Variants in NAALADL2 observed in about 807,000 individuals in gnomAD.
NAALADL2 encodes N-acetylated alpha-linked acidic dipeptidase like 2, also known as inactive N-acetylated-alpha-linked acidic dipeptidase-like protein 2.
A neutral mutation model predicts 87.2 loss-of-function variants in NAALADL2; 76 were observed. That is an observed-to-expected ratio of 0.87 (90% CI 0.72 to 1.05). The LOEUF is 1.05. Among genes scored for constraint, NAALADL2 ranks in the 50% least tolerant of loss-of-function variants. The probability of loss-of-function intolerance (pLI) is 0.00; values close to 1 mark genes in which losing one functional copy is unlikely to be tolerated. For missense variants in NAALADL2, 1,089 were observed against 945.8 expected, an observed-to-expected ratio of 1.15 and a Z score of -1.99; for synonymous variants, 354 against 331.0, an observed-to-expected ratio of 1.07 and a Z score of -0.75.
At position 175,085,476 on chromosome 3, in the gene NAALADL2, T is replaced by G. The variant is rs117870558; in HGVS notation, c.44-11314T>G. ...CTCCTTTTTTCTGCAGAAACCAAGTTATTTCCATTATGGGGGCTCTCAAGT... is the reference window on the plus strand; with the variant it reads ...CTCCTTTTTTCTGCAGAAACCAAGTGATTTCCATTATGGGGGCTCTCAAGT... On this transcript the variant is annotated intron_variant, in intron 1 of 13. Transcript: ENST00000454872. Among the ~76,000 whole-genome samples, 48 of 152,268 alleles carry G rather than the reference T, an allele frequency of 3.2e-4. No homozygotes were observed. The East Asian group carries it at 8.9e-3, about 28-fold the overall frequency.
intron 1 of NAALADL2, among the ~76,000 whole-genome samples, chr3:175,088,387 C>T (rs762161525): frequency 6.6e-5 from 10 of 152,244 alleles, no homozygotes; most frequent in South Asian, 2.1e-4. Flanking sequence ...TTCTTTCCCA[C>T]GACTTAACCA....
At chr3:175,564,625 G>T (rs971422170) in intron 9 of NAALADL2, among the ~76,000 whole-genome samples, 1 of 152,168 alleles carries the variant, frequency 6.6e-6, no homozygotes, top group Admixed American at 6.5e-5. Context: ...CAGTTCCTCA[G>T]CATGGAACAG....
chr3:175,488,776 C>T (rs957309737), intron 9 of NAALADL2, among the ~76,000 whole-genome samples: 4 of 152,160 alleles, frequency 2.6e-5, no homozygotes, highest in African/African-American at 7.2e-5. Flanking sequence ...TTTATGAAAA[C>T]GTGTTTGTAC....
intron 2 of NAALADL2, among the ~76,000 whole-genome samples, chr3:175,112,829 G>T (rs1354234981): frequency 6.6e-6 from 1 of 151,564 alleles, no homozygotes; most frequent in Non-Finnish European, 1.5e-5. Context: ...TCAGCGCAAA[G>T]ATTGTAGGAG....
chr3:175,746,102 TGCTG>T (rs1745883196), intron 12 of NAALADL2, among the ~76,000 whole-genome samples: 1 of 152,166 alleles, frequency 6.6e-6, no homozygotes, highest in African/African-American at 2.4e-5. Flanking sequence ...GTAAAATAGT[TGCTG>T]GCAGCGTTTC....
At chr3:174,949,452 G>A (rs1377464226) in intron 1 of NAALADL2, among the ~76,000 whole-genome samples, 4 of 152,152 alleles carry the variant, frequency 2.6e-5, no homozygotes, top group African/African-American at 9.7e-5. Context: ...GTCACACAGT[G>A]TAATGGGGGA....
chr3:174,987,591 A>AAAAAAAAC (rs1746090529), intron 1 of NAALADL2, among the ~76,000 whole-genome samples: 12 of 140,644 alleles, frequency 8.5e-5, no homozygotes, highest in Non-Finnish European at 1.2e-4. Context: ...AAAAAAAAAA[A>AAAAAAAAC]AAAAAAACAA....
intron 1 of NAALADL2, among the ~76,000 whole-genome samples, chr3:174,493,356 C>A (rs1346822852): frequency 6.6e-6 from 1 of 152,058 alleles, no homozygotes; most frequent in South Asian, 2.1e-4. Context: ...TATAAAGATA[C>A]AGGAAGAAGA....
chr3:174,852,157 A>G (rs74548169), intron 3 of NAALADL2, among the ~76,000 whole-genome samples: 3,339 of 152,242 alleles, frequency 0.022, 87 homozygotes, highest in African/African-American at 0.065. Context: ...TCTAAGATCC[A>G]GAATAAGAGA....
chr3:175,405,981 G>T (rs769672316), intron 5 of NAALADL2, among the ~76,000 whole-genome samples: 2 of 152,302 alleles, frequency 1.3e-5, no homozygotes, highest in Non-Finnish European at 2.9e-5. Context: ...AGTGCTAGAA[G>T]TGCGGGGAAC....
At chr3:174,464,081 T>G (rs1035080990) in intron 1 of NAALADL2, among the ~76,000 whole-genome samples, 4 of 152,130 alleles carry the variant, frequency 2.6e-5, no homozygotes, top group South Asian at 2.1e-4. Flanking sequence ...AATAAGGAAT[T>G]CCAGAAAACC....
At chr3:174,818,818 C>T (rs1038446428) in intron 3 of NAALADL2, among the ~76,000 whole-genome samples, 28 of 152,122 alleles carry the variant, frequency 1.8e-4, no homozygotes, top group Admixed American at 7.9e-4. Flanking sequence ...AAATTTCTGA[C>T]GTCTGTGTGG....
chr3:175,191,426 A>G (rs1338793141), intron 2 of NAALADL2, among the ~76,000 whole-genome samples: 1 of 152,216 alleles, frequency 6.6e-6, no homozygotes. Context: ...ATAAAGGGTA[A>G]CATAGGATAT....
chr3:175,549,813 C>G (rs1274531945), intron 9 of NAALADL2, among the ~76,000 whole-genome samples: 1 of 152,024 alleles, frequency 6.6e-6, no homozygotes, highest in African/African-American at 2.4e-5. Context: ...AAACACATCT[C>G]CCTTCCTAGA....
chr3:175,228,097 T>A (rs374638631), intron 2 of NAALADL2, among the ~76,000 whole-genome samples: 2 of 151,946 alleles, frequency 1.3e-5, no homozygotes, highest in East Asian at 3.9e-4. Context: ...TTTTTATTGA[T>A]ATACTTGTAT....
chr3:175,393,119 A>G (rs1426171115), intron 5 of NAALADL2, among the ~76,000 whole-genome samples: 3 of 150,968 alleles, frequency 2.0e-5, no homozygotes, highest in Non-Finnish European at 4.4e-5. Flanking sequence ...CTAAAAATAC[A>G]AAAAATTAGC....
chr3:175,766,234 C>T lies in NAALADL2; in HGVS notation c.2189+10816C>T, dbSNP rs114465860. Among the ~76,000 whole-genome samples, 290 of 152,014 alleles carry T rather than the reference C, an allele frequency of 1.9e-3. 2 individuals carry two copies. The highest frequency in any genetic ancestry group is 6.5e-3 in the African/African-American group (270 of 41,462). On this transcript the variant is annotated intron_variant, in intron 13 of 13. Transcript: ENST00000454872. ...AATAGTGTCTATCCCTTCATGTTTC[C>T]GTAAATCTTAGATGTAATTTAAAAA...
At chr3:175,035,006 T>C (rs1753240653) in intron 1 of NAALADL2, among the ~76,000 whole-genome samples, 1 of 152,214 alleles carries the variant, frequency 6.6e-6, no homozygotes, top group Admixed American at 6.6e-5. Flanking sequence ...ATATTGTAGG[T>C]ATTCAAGAGA....
intron 2 of NAALADL2, among the ~76,000 whole-genome samples, chr3:174,574,719 GC>G (rs1715335027): frequency 6.6e-6 from 1 of 152,004 alleles, no homozygotes; most frequent in Non-Finnish European, 1.5e-5. Context: ...CCCTATAGAA[GC>G]AAATATCTAT....
Sources: allele counts gnomAD v4.1 joint callset (sites outside exome capture counted in the v4.1 genomes callset), GRCh38; gene constraint gnomAD v4.1.1; transcripts MANE v1.5; gene names NCBI Gene and HGNC (gene_info 2026-07-23, HGNC 2026-07-21).